Variants in CLCN4 observed in about 807,000 individuals in gnomAD.
CLCN4 encodes Cl-/H+ antiporter 4.
A neutral mutation model predicts 41.7 loss-of-function variants in CLCN4; 1 was observed. The ratio of observed to expected loss-of-function variants is 0.02; its 90% CI spans 0.01 to 0.11. The LOEUF is 0.11. Among genes scored for constraint, CLCN4 ranks in the 10% least tolerant of loss-of-function variants. CLCN4 has a pLI of 1.00. For synonymous variants in CLCN4, 277 were observed against 285.8 expected (o/e 0.97, Z 0.31); for missense variants, 287 against 661.0 (o/e 0.43, Z 6.20).
At chrX:10,215,520 A>G (rs774957540) in intron 11 of CLCN4, among the ~76,000 whole-genome samples, 24 of 111,979 alleles carry the variant, frequency 2.1e-4, no homozygotes, top group Admixed American at 2.0e-3. Context: ...CTTTGTGTAA[A>G]TATTGCCTTA....
At chrX:10,177,234 C>T (rs73482886) in intron 2 of CLCN4, among the ~76,000 whole-genome samples, 2,271 of 112,544 alleles carry the variant, frequency 0.02, 43 homozygotes, top group African/African-American at 0.055. Context: ...TGTCTATGGT[C>T]TCTGGCTGCT....
rs367729591 is a variant in CLCN4, at chrX:10,233,447, C to T, written c.2193-47C>T. ...CTGGGGTTTAGGGAGAGGGATGAGT[C>T]GTCGTTTCAAGGCTGACCTCTTTTC... On this transcript the variant is annotated intron_variant, in intron 12 of 12. Transcript: ENST00000380833. 1.9e-4 allele frequency: 178 copies of T among 952,639 alleles called. No homozygotes were observed. In the Middle Eastern group the frequency reaches 2.1e-3, roughly 11 times the overall value. 78.5% of individuals were successfully genotyped at this position (952,639 alleles called of 1,213,427 possible). A position where few individuals can be genotyped will look rare whatever the true frequency, so the allele number is the denominator to read the frequency against.
chrX:10,211,174 A>G (rs1266447673), intron 9 of CLCN4, among the ~76,000 whole-genome samples: 1 of 104,476 alleles, frequency 9.6e-6, no homozygotes, highest in Non-Finnish European at 2.0e-5. Flanking sequence ...GCTGAGGCAT[A>G]AGAATCACTT....
rs141271427 is a variant in CLCN4, at chrX:10,212,463, C to T, written c.1390-4C>T. 1.6e-3 allele frequency: 1,968 copies of T among 1,207,928 alleles called. 21 individuals are homozygous for T. The African/African-American group carries it at 0.03, about 19-fold the overall frequency. ...CATGTTGCTTTTCTCTGTGTCTCCT[C>T]AAGATCCCGTCGGGCCTCTTCATCC... On this transcript the variant is annotated splice_region_variant and splice_polypyrimidine_tract_variant and intron_variant, in intron 9 of 12. Transcript: ENST00000380833.
In CLCN4 at chrX:10,158,407, T is replaced by G. The variant is rs1002626680; in HGVS notation, c.-156T>G. On this transcript the variant is annotated 5_prime_UTR_variant, in exon 2 of 13. Transcript: ENST00000380833. The stretch of plus-strand genomic sequence containing the variant: ...GTCTTCCCCCCACCCCGCGCACACC[T>G]CCCTGCCTCGCCCCGAGGGCGTCAC... 5 of 296,060 alleles carry G rather than the reference T, an allele frequency of 1.7e-5. No individual in the cohort carries two copies. Among genetic ancestry groups the G allele is most frequent in the African/African-American group, 5.5e-5 (2 of 36,642 alleles). 24.4% of individuals were successfully genotyped at this position (296,060 alleles called of 1,213,427 possible). A position where few individuals can be genotyped will look rare whatever the true frequency, so the allele number is the denominator to read the frequency against.
Position 10,234,420 on chromosome X carries a change from C to A in CLCN4, c.*836C>A, listed in dbSNP as rs910938057. The stretch of plus-strand genomic sequence containing the variant: ...TTGCTTCATTTATTTATTGCTTTTG[C>A]CCATGCATTCAATATTGATCAGCTC... On this transcript the variant is annotated 3_prime_UTR_variant, in exon 13 of 13. Transcript: ENST00000380833. 8.8e-6 allele frequency: 1 copy of A among 113,207 alleles called. No homozygotes were observed. The highest frequency in any genetic ancestry group is 3.2e-5 in the African/African-American group (1 of 31,085). 9.3% of individuals were successfully genotyped at this position (113,207 alleles called of 1,213,427 possible).
intron 2 of CLCN4, among the ~76,000 whole-genome samples, chrX:10,177,846 A>T (rs969210720): frequency 8.9e-6 from 1 of 112,054 alleles, no homozygotes; most frequent in Non-Finnish European, 1.9e-5. Context: ...AGCCTTATTC[A>T]TAATAGCCCA....
At position 10,204,613 on chromosome X, in the gene CLCN4, CTTTTTTTTTTTTTT is replaced by C. The variant is rs61453535; in HGVS notation, c.556-1722_556-1709del. The stretch of plus-strand genomic sequence containing the variant: ...CTATTCTCACCAGAAAGCTAGTAGT[CTTTTTTTTTTTTTT>C]TTTTTTTTTTTTTTTTTTTTTTACA... On this transcript the variant is annotated intron_variant, in intron 6 of 12. Coordinates refer to ENST00000380833, the MANE Select transcript of CLCN4 (RefSeq NM_001830.4). 1.6e-3 allele frequency among the ~76,000 whole-genome samples: 45 copies of C among 27,349 alleles called. No homozygotes were observed. The South Asian group carries it at 0.022, about 13-fold the overall frequency. 23.7% of individuals were successfully genotyped at this position (27,349 alleles called of 115,157 possible).
chrX:10,207,553 T>A (rs1466696646), intron 8 of CLCN4, among the ~76,000 whole-genome samples: 2 of 109,948 alleles, frequency 1.8e-5, no homozygotes, highest in African/African-American at 6.5e-5. Flanking sequence ...ATTTTATGGT[T>A]TTCACATGTC....
chrX:10,177,065 C>T (rs1923551417), intron 2 of CLCN4, among the ~76,000 whole-genome samples: 1 of 112,842 alleles, frequency 8.9e-6, no homozygotes, highest in African/African-American at 3.2e-5. Context: ...TCACTGCCTG[C>T]TTTCGTACAG....
chrX:10,199,195 A>G (rs1924173883), intron 6 of CLCN4, among the ~76,000 whole-genome samples: 1 of 112,611 alleles, frequency 8.9e-6, no homozygotes, highest in Admixed American at 9.4e-5. Context: ...CTATAATGCA[A>G]CATACGCATT....
At chrX:10,198,144 A>G (rs1924146624) in intron 6 of CLCN4, 83 bp downstream of exon 6, 1 of 959,558 alleles carries the variant, frequency 1.0e-6, no homozygotes, top group South Asian at 2.2e-5. Context: ...CACAGTTCCA[A>G]GCGTTTTACT....
At chrX:10,197,398 C>T (rs1174738040) in intron 5 of CLCN4, among the ~76,000 whole-genome samples, 2 of 111,478 alleles carry the variant, frequency 1.8e-5, no homozygotes, top group Non-Finnish European at 3.8e-5. Flanking sequence ...TCGGGTGAGG[C>T]CTGAGAGTCT....
chrX:10,184,019 C>A (rs899758317), intron 2 of CLCN4, among the ~76,000 whole-genome samples: 1 of 111,929 alleles, frequency 8.9e-6, no homozygotes, highest in South Asian at 3.7e-4. Context: ...ATTGCCTGGG[C>A]TCCCACCAAC....
Position 10,170,923 on chromosome X carries a change from C to T in CLCN4, c.-12+12372C>T, listed in dbSNP as rs770744418. Among the ~76,000 whole-genome samples the T allele has an allele frequency of 5.3e-5, 6 of 112,469 alleles. No individual in the cohort carries two copies. In the South Asian group the frequency reaches 2.2e-3, roughly 41 times the overall value. ...TTTTTGAGACAGCGTCTCGCTGTGT[C>T]ACCCAGGCTGGAGTGCAGTGGCGCG... On this transcript the variant is annotated intron_variant, in intron 2 of 12. Coordinates refer to ENST00000380833, the MANE Select transcript of CLCN4 (RefSeq NM_001830.4).
At chrX:10,160,763 A>G (rs1323571895) in intron 2 of CLCN4, among the ~76,000 whole-genome samples, 1 of 111,448 alleles carries the variant, frequency 9.0e-6, no homozygotes, top group African/African-American at 3.3e-5. Flanking sequence ...CGCATGCTTT[A>G]AGCTTCAGTC....
At chrX:10,171,520 G>A (rs924305056) in intron 2 of CLCN4, among the ~76,000 whole-genome samples, 2 of 111,643 alleles carry the variant, frequency 1.8e-5, no homozygotes, top group African/African-American at 6.5e-5. Flanking sequence ...TTAGGGCCGG[G>A]CTGTTAATGT....
intron 11 of CLCN4, among the ~76,000 whole-genome samples, chrX:10,219,692 G>A (rs1924810619): frequency 8.9e-6 from 1 of 112,321 alleles, no homozygotes; most frequent in Non-Finnish European, 1.9e-5. Flanking sequence ...GAACAATATA[G>A]GTGAATAGTA....
At chrX:10,168,473 G>A (rs1187532127) in intron 2 of CLCN4, among the ~76,000 whole-genome samples, 2 of 112,282 alleles carry the variant, frequency 1.8e-5, no homozygotes, top group Non-Finnish European at 3.8e-5. Context: ...ATTTTTGCAA[G>A]AGAGGATGCA....
Sources: gnomAD v4.1 joint callset for allele counts (sites outside exome capture counted in the v4.1 genomes callset) on GRCh38, gnomAD v4.1.1 for gene constraint, MANE v1.5 for transcripts, NCBI Gene and HGNC (gene_info 2026-07-23, HGNC 2026-07-21) for gene names.